PDE5A: variants seen among roughly 807,000 people sequenced by gnomAD.
PDE5A encodes cGMP-specific 3',5'-cyclic phosphodiesterase.
Under a neutral mutation model 110.2 loss-of-function variants are expected in PDE5A, and 67 were observed. That is an observed-to-expected ratio of 0.61 (90% CI 0.50 to 0.75). PDE5A has a LOEUF of 0.75. PDE5A is among the 30% of genes least tolerant of loss of function. The probability of loss-of-function intolerance (pLI) is 0.00; values close to 1 mark genes in which losing one functional copy is unlikely to be tolerated. For synonymous variants in PDE5A, 328 were observed against 351.2 expected (o/e 0.93, Z 0.74); for missense variants, 862 against 1,045.1 (o/e 0.82, Z 2.42).
chr4:119,628,082 A>AG (rs537346469), intron 1 of PDE5A: 4 of 977,926 alleles, frequency 4.1e-6, no homozygotes, highest in African/African-American at 1.8e-5. Context: ...GGCCAGGGCG[A>AG]GGGGGGACGG....
At position 119,496,008 on chromosome 4, in the gene PDE5A, A is replaced by G. The variant is rs566879784; in HGVS notation, c.*2593T>C. 23 of 152,220 alleles carry G rather than the reference A, an allele frequency of 1.5e-4. No homozygotes were observed. Among genetic ancestry groups the G allele is most frequent in the African/African-American group, 5.3e-4 (22 of 41,546 alleles). 9.4% of individuals were successfully genotyped at this position (152,220 alleles called of 1,614,324 possible). On this transcript the variant is annotated 3_prime_UTR_variant, in exon 21 of 21. Transcript: ENST00000354960. ...ACATAACTCCTTTTAAAAAAGCACAACTTGTTTAGGCACACAGAGGTTAAG... is the reference window on the plus strand; with the variant it reads ...ACATAACTCCTTTTAAAAAAGCACAGCTTGTTTAGGCACACAGAGGTTAAG...
intron 1 of PDE5A, among the ~76,000 whole-genome samples, chr4:119,611,052 G>A (rs894919928): frequency 2.0e-5 from 3 of 152,076 alleles, no homozygotes; most frequent in Non-Finnish European, 4.4e-5. Context: ...CATCCTTGGC[G>A]CTCCTGAAGC....
intron 16 of PDE5A, among the ~76,000 whole-genome samples, chr4:119,506,279 A>G (rs1725551672): frequency 6.6e-6 from 1 of 151,898 alleles, no homozygotes; most frequent in South Asian, 2.1e-4. Context: ...GCATGGCATA[A>G]TAAGATCTAT....
rs1726022931 is a variant in PDE5A at position 119,519,124 on chromosome 4, G to A, written c.1921C>T (p.Leu641=). The part of the protein sequence containing the change: ...AGKIQNKLTD[L]EILALLIAAL... ...GCAATCAGCAATGCAAGTATCTCCA[G>A]GTCAGTCAGCTTGTTCTGCATGACC... The change falls in exon 14 of 21, where the codon CTG becomes TTG. Residue 641 remains leucine, a synonymous_variant. Transcript: ENST00000354960. 1 of 1,613,428 alleles carries A rather than the reference G, an allele frequency of 6.2e-7. No homozygotes were observed. The highest frequency in any genetic ancestry group is 8.5e-7 in the Non-Finnish European group (1 of 1,179,430).
chr4:119,593,773 T>C (rs765070911), intron 3 of PDE5A, among the ~76,000 whole-genome samples: 19 of 152,216 alleles, frequency 1.2e-4, no homozygotes, highest in Admixed American at 2.0e-4. Flanking sequence ...AAGAAATACC[T>C]GAGACTGGGT....
At chr4:119,618,925 T>C (rs554460026) in intron 1 of PDE5A, among the ~76,000 whole-genome samples, 31 of 152,290 alleles carry the variant, frequency 2.0e-4, no homozygotes, top group African/African-American at 6.5e-4. Context: ...AATGTCCATA[T>C]AGCAAGTCCA....
At chr4:119,588,668 T>C (rs1285365480) in intron 3 of PDE5A, among the ~76,000 whole-genome samples, 1 of 152,178 alleles carries the variant, frequency 6.6e-6, no homozygotes, top group Non-Finnish European at 1.5e-5. Flanking sequence ...AAAACATTTA[T>C]TTTTGTATTT....
intron 3 of PDE5A, among the ~76,000 whole-genome samples, chr4:119,577,190 A>G (rs1728387577): frequency 9.5e-6 from 1 of 104,976 alleles, no homozygotes; most frequent in Non-Finnish European, 2.0e-5. Flanking sequence ...TTGAGCAATA[A>G]TTAATAGCTT....
chr4:119,518,024 A>G (rs979168494), intron 14 of PDE5A, among the ~76,000 whole-genome samples: 2 of 152,200 alleles, frequency 1.3e-5, no homozygotes, highest in Non-Finnish European at 2.9e-5. Context: ...ATACTCAGGC[A>G]AGAGCTTGCT....
At chr4:119,592,305 G>A (rs1728999724) in intron 3 of PDE5A, among the ~76,000 whole-genome samples, 1 of 143,424 alleles carries the variant, frequency 7.0e-6, no homozygotes, top group South Asian at 2.2e-4. Flanking sequence ...AATACAAAAA[G>A]AAATTAGCCG....
At chr4:119,535,367 T>C (rs1726693438) in intron 11 of PDE5A, among the ~76,000 whole-genome samples, 1 of 152,124 alleles carries the variant, frequency 6.6e-6, no homozygotes, top group African/African-American at 2.4e-5. Flanking sequence ...TTTCCGAAGC[T>C]TTTGTAAAAC....
chr4:119,547,176 T>C (rs1727162421), intron 9 of PDE5A, among the ~76,000 whole-genome samples: 1 of 151,336 alleles, frequency 6.6e-6, no homozygotes, highest in Non-Finnish European at 1.5e-5. Context: ...TAAAATCCTC[T>C]TGAGTTAGTA....
rs571259478 is a variant in PDE5A, at chr4:119,613,923, A to T, written c.153-6626T>A. ...CCTATTCCAGGTACTATACCCTATTAAGAATATAAAAGTTCCCAGAGCATC... is the reference window on the plus strand; with the variant it reads ...CCTATTCCAGGTACTATACCCTATTTAGAATATAAAAGTTCCCAGAGCATC... On this transcript the variant is annotated intron_variant, in intron 1 of 20. Transcript: ENST00000354960. Among the ~76,000 whole-genome samples the T allele has an allele frequency of 8.5e-5, 13 of 152,102 alleles. No homozygotes were observed. The East Asian group carries it at 1.8e-3, about 20-fold the overall frequency.
chr4:119,622,580 A>G (rs1730186686), intron 1 of PDE5A, among the ~76,000 whole-genome samples: 1 of 152,188 alleles, frequency 6.6e-6, no homozygotes, highest in Non-Finnish European at 1.5e-5. Context: ...ATATATCTTT[A>G]AAAGCTTTAA....
At chr4:119,543,705 C>T (rs1727030820) in intron 9 of PDE5A, 1 of 152,524 alleles carries the variant, frequency 6.6e-6, no homozygotes, top group African/African-American at 2.4e-5. Flanking sequence ...CTATCAGTGC[C>T]CTGGTTGCAT....
chr4:119,562,832 C>T lies in PDE5A; in HGVS notation c.1131+1G>A, dbSNP rs763913148. 16 of 1,561,774 alleles carry T rather than the reference C, an allele frequency of 1.0e-5. No homozygotes were observed. The highest frequency in any genetic ancestry group is 1.7e-4 in the Middle Eastern group (1 of 5,786). On this transcript the variant is annotated splice_donor_variant, in intron 6 of 20. Coordinates refer to ENST00000354960, the MANE Select transcript of PDE5A (RefSeq NM_001083.4). LOFTEE classifies it high-confidence loss of function. Reference sequence around the variant, plus strand: ...ATAAAAAAGTCATACTCTGTACTCACGGAGCAATCTTCATCCACTATGAAA... The same window carrying T: ...ATAAAAAAGTCATACTCTGTACTCATGGAGCAATCTTCATCCACTATGAAA...
rs192025826 is a variant in PDE5A at position 119,503,243 on chromosome 4, T to C, written c.2332-588A>G. On this transcript the variant is annotated intron_variant, in intron 18 of 20. Coordinates refer to ENST00000354960, the MANE Select transcript of PDE5A (RefSeq NM_001083.4). Reference sequence around the variant, plus strand: ...ACCAACAGCAGGCTGTCAACAATCCTAAATAGCATATTTATTACGGACTCA... The same window carrying C: ...ACCAACAGCAGGCTGTCAACAATCCCAAATAGCATATTTATTACGGACTCA... Among the ~76,000 whole-genome samples, 284 of 152,280 alleles carry C rather than the reference T, an allele frequency of 1.9e-3. 1 individual carries two copies. The highest frequency in any genetic ancestry group is 3.5e-3 in the Admixed American group (54 of 15,272).
intron 1 of PDE5A, among the ~76,000 whole-genome samples, chr4:119,611,637 C>T (rs986678048): frequency 6.6e-5 from 10 of 152,178 alleles, no homozygotes; most frequent in Admixed American, 3.3e-4. Context: ...CTCTATTTGT[C>T]TCATAAATGT....
intron 9 of PDE5A, among the ~76,000 whole-genome samples, chr4:119,547,349 G>A (rs1033902003): frequency 2.6e-5 from 4 of 151,238 alleles, no homozygotes; most frequent in African/African-American, 7.3e-5. Context: ...CTCATTATCC[G>A]TTGGAGGTTC....
Sources: allele counts gnomAD v4.1 joint callset (sites outside exome capture counted in the v4.1 genomes callset), GRCh38; gene constraint gnomAD v4.1.1; transcripts MANE v1.5; gene names NCBI Gene and HGNC (gene_info 2026-07-23, HGNC 2026-07-21).